CDH11: variants seen among roughly 807,000 people sequenced by gnomAD.
The protein encoded by CDH11 is cadherin-11.
Under a neutral mutation model 67.8 loss-of-function variants are expected in CDH11, and 11 were observed. The ratio of observed to expected loss-of-function variants is 0.16; its 90% CI spans 0.10 to 0.27. The LOEUF is 0.27. Among genes scored for constraint, CDH11 ranks in the 10% least tolerant of loss-of-function variants. The pLI is 1.00. For synonymous variants in CDH11, 419 were observed against 400.0 expected, an observed-to-expected ratio of 1.05 and a Z score of -0.57; for missense variants, 847 against 1,031.2, an observed-to-expected ratio of 0.82 and a Z score of 2.45.
chr16:65,065,364 T>A (rs747815775), intron 1 of CDH11, among the ~76,000 whole-genome samples: 1 of 152,164 alleles, frequency 6.6e-6, no homozygotes, highest in Non-Finnish European at 1.5e-5. Context: ...CTATTTTGAA[T>A]ACTAAATATG....
chr16:65,006,609 A>G (rs1597083957), intron 2 of CDH11, among the ~76,000 whole-genome samples: 1 of 152,202 alleles, frequency 6.6e-6, no homozygotes, highest in South Asian at 2.1e-4. Context: ...CTGGACATGC[A>G]ATAGGTTCCT....
chr16:65,012,921 C>T (rs1267815458), intron 2 of CDH11, among the ~76,000 whole-genome samples: 1 of 152,124 alleles, frequency 6.6e-6, no homozygotes, highest in Admixed American at 6.5e-5. Context: ...TAACTCTAGA[C>T]CAAAAGTCAA....
chr16:64,991,683 C>T, intron 6 of CDH11, 85 bp downstream of exon 6: 1 of 930,486 alleles, frequency 1.1e-6, no homozygotes, highest in Non-Finnish European at 1.6e-6. Context: ...CTTTTTGATA[C>T]CTCAGTAAAG....
chr16:65,035,353 G>A (rs938796979), intron 2 of CDH11, among the ~76,000 whole-genome samples: 4 of 152,176 alleles, frequency 2.6e-5, no homozygotes, highest in Non-Finnish European at 5.9e-5. Context: ...TGGTAATTCA[G>A]CTCAAAGTAA....
At chr16:64,971,845 G>A (rs1194147270) in intron 10 of CDH11, 86 bp downstream of exon 10, 1 of 1,484,612 alleles carries the variant, frequency 6.7e-7, no homozygotes, top group Non-Finnish European at 9.4e-7. Flanking sequence ...TTGGGCAGTG[G>A]TTGGTATCTC....
intron 2 of CDH11, among the ~76,000 whole-genome samples, chr16:65,045,087 T>A (rs1325298192): frequency 6.6e-6 from 1 of 151,708 alleles, no homozygotes; most frequent in Non-Finnish European, 1.5e-5. Flanking sequence ...CAAAGGCTTT[T>A]GCTTTCCTTT....
At chr16:64,956,284 A>C (rs1402020) in intron 11 of CDH11, among the ~76,000 whole-genome samples, 1 of 152,084 alleles carries the variant, frequency 6.6e-6, no homozygotes, top group Non-Finnish European at 1.5e-5. Context: ...TCATAAAGCT[A>C]CTTAGCACAG....
At chr16:65,025,804 C>T (rs2073522189) in intron 2 of CDH11, among the ~76,000 whole-genome samples, 1 of 152,128 alleles carries the variant, frequency 6.6e-6, no homozygotes, top group Non-Finnish European at 1.5e-5. Flanking sequence ...GGTACATAGG[C>T]ATCCTTGTTT....
At chr16:65,112,646 A>C (rs1333708120) in intron 1 of CDH11, among the ~76,000 whole-genome samples, 1 of 152,192 alleles carries the variant, frequency 6.6e-6, no homozygotes, top group Non-Finnish European at 1.5e-5. Context: ...ACCCTGCCAA[A>C]GTGTCCTCTA....
chr16:65,096,409 GTGTGTGTGTGT>G (rs2074893074), intron 1 of CDH11, among the ~76,000 whole-genome samples: 1 of 74,174 alleles, frequency 1.3e-5, no homozygotes, highest in Non-Finnish European at 3.5e-5. Context: ...CTTTCGGGGT[GTGTGTGTGTGT>G]GTGTGTGTGT....
chr16:65,025,639 C>T (rs2073518685), intron 2 of CDH11, among the ~76,000 whole-genome samples: 1 of 152,152 alleles, frequency 6.6e-6, no homozygotes, highest in African/African-American at 2.4e-5. Context: ...CCACACCTGG[C>T]TGGGTGATTT....
At chr16:64,987,030 T>C (rs1215992089) in intron 7 of CDH11, 1 of 152,072 alleles carries the variant, frequency 6.6e-6, no homozygotes, top group Non-Finnish European at 1.5e-5. Flanking sequence ...GAGTCCAGTC[T>C]TTTCCATCGC....
At position 64,945,667 on chromosome 16, in the gene CDH11, A is replaced by G; in HGVS notation, c.*1936T>C. The G allele has an allele frequency of 1.9e-6, 2 of 1,037,930 alleles. No homozygotes were observed. The highest frequency in any genetic ancestry group is 1.2e-4 in the East Asian group (2 of 16,922). The allele number at this position is 1,037,930 out of a possible 1,614,324, so 64.3% of individuals were successfully genotyped here. A position where few individuals can be genotyped will look rare whatever the true frequency, so the allele number is the denominator to read the frequency against. ...CTGAGATGAAAGATTCTAAAGTGAC[A>G]TTGTCCACAAAATGTATTCCATTGA... On this transcript the variant is annotated 3_prime_UTR_variant, in exon 13 of 13. Transcript: ENST00000268603.
rs2071224736 is a variant in CDH11 at position 64,947,519 on chromosome 16, T to C, written c.*84A>G. On this transcript the variant is annotated 3_prime_UTR_variant, in exon 13 of 13. Coordinates refer to ENST00000268603, the MANE Select transcript of CDH11 (RefSeq NM_001797.4). ...CTGTTTTAAATGAGCCTTTCCTTGATTTAAAAAAATACCTGTTTACACATC... is the reference window on the plus strand; with the variant it reads ...CTGTTTTAAATGAGCCTTTCCTTGACTTAAAAAAATACCTGTTTACACATC... 1 of 1,517,948 alleles carries C rather than the reference T, an allele frequency of 6.6e-7. No homozygotes were observed. The highest frequency in any genetic ancestry group is 2.3e-5 in the East Asian group (1 of 44,064). The allele number at this position is 1,517,948 out of a possible 1,614,324, so 94.0% of individuals were successfully genotyped here.
intron 1 of CDH11, among the ~76,000 whole-genome samples, chr16:65,085,100 A>G (rs1270826114): frequency 2.0e-5 from 3 of 152,070 alleles, no homozygotes; most frequent in African/African-American, 4.8e-5. Context: ...TAGTAGAGAC[A>G]GGGTTTCACC....
chr16:65,028,584 C>A (rs974820522), intron 2 of CDH11, among the ~76,000 whole-genome samples: 1 of 152,162 alleles, frequency 6.6e-6, no homozygotes, highest in Non-Finnish European at 1.5e-5. Context: ...CTGAGATATC[C>A]CAGCCTGTCC....
At chr16:64,961,724 G>C (rs1048455645) in intron 11 of CDH11, among the ~76,000 whole-genome samples, 1 of 151,822 alleles carries the variant, frequency 6.6e-6, no homozygotes. Context: ...GGAATAAGAG[G>C]GTTGAAAATT....
At chr16:64,985,875 C>T (rs1014321136) in intron 7 of CDH11, 7 of 151,238 alleles carry the variant, frequency 4.6e-5, no homozygotes, top group Non-Finnish European at 7.4e-5. Context: ...AAAACCCTCT[C>T]GGTTTTAATT....
chr16:64,984,875 T>A (rs1052362251), intron 7 of CDH11: 2 of 152,196 alleles, frequency 1.3e-5, no homozygotes, highest in East Asian at 3.8e-4. Flanking sequence ...TGTATCCACA[T>A]CTATATACGT....
Sources: gnomAD v4.1 joint callset for allele counts (sites outside exome capture counted in the v4.1 genomes callset) on GRCh38, gnomAD v4.1.1 for gene constraint, MANE v1.5 for transcripts, NCBI Gene and HGNC (gene_info 2026-07-23, HGNC 2026-07-21) for gene names.